LEMD1: variants seen among roughly 807,000 people sequenced by gnomAD.
LEMD1 encodes LEM domain containing 1.
A neutral mutation model predicts 17.4 loss-of-function variants in LEMD1; 18 were observed. The ratio of observed to expected loss-of-function variants is 1.04; its 90% CI spans 0.72 to 1.54. The LOEUF (loss-of-function observed/expected upper bound fraction) is 1.54. Ranked by LOEUF, LEMD1 falls within the 40% of genes most tolerant of loss-of-function variation. The probability of loss-of-function intolerance (pLI) is 0.00; values close to 1 mark genes in which losing one functional copy is unlikely to be tolerated. For missense variants in LEMD1, 195 were observed against 210.4 expected (o/e 0.93, Z 0.45); for synonymous variants, 88 against 77.8 (o/e 1.13, Z -0.69).
At chr1:205,397,130 A>C (rs1055105841) in intron 4 of LEMD1, among the ~76,000 whole-genome samples, 2 of 152,152 alleles carry the variant, frequency 1.3e-5, no homozygotes, top group African/African-American at 4.8e-5. Context: ...AGCAATCATC[A>C]GAAAGACGAG....
intron 4 of LEMD1, among the ~76,000 whole-genome samples, chr1:205,400,910 T>C (rs1480928747): frequency 6.9e-6 from 1 of 144,612 alleles, no homozygotes; most frequent in African/African-American, 2.5e-5. Context: ...TGTGTTCTCA[T>C]TGTTCAATTC....
At chr1:205,431,722 C>CTT (rs1016647346) in intron 1 of LEMD1, among the ~76,000 whole-genome samples, 2 of 151,744 alleles carry the variant, frequency 1.3e-5, no homozygotes, top group African/African-American at 4.8e-5. Context: ...TTCTTTCTTT[C>CTT]TTTCTTTTTT....
chr1:205,440,222 G>A (rs893223424), intron 1 of LEMD1, among the ~76,000 whole-genome samples: 3 of 152,268 alleles, frequency 2.0e-5, no homozygotes, highest in Middle Eastern at 3.4e-3. Context: ...TGTGATGCTG[G>A]CAAGGAGGCA....
At chr1:205,430,794 C>A (rs1339586456) in intron 1 of LEMD1, among the ~76,000 whole-genome samples, 1 of 152,248 alleles carries the variant, frequency 6.6e-6, no homozygotes. Context: ...GCCCTCCCTC[C>A]GCAGTGGGGC....
At chr1:205,419,712 C>T (rs142196278) in intron 2 of LEMD1, among the ~76,000 whole-genome samples, 141 of 152,256 alleles carry the variant, frequency 9.3e-4, no homozygotes, top group African/African-American at 3.2e-3. Context: ...GTGATCCACC[C>T]GCCTCGGCCT....
At chr1:205,427,841 C>T (rs1227061483) in intron 1 of LEMD1, among the ~76,000 whole-genome samples, 6 of 152,252 alleles carry the variant, frequency 3.9e-5, no homozygotes, top group Non-Finnish European at 8.8e-5. Context: ...GCAGGAGGAT[C>T]TCCAAATTGA....
rs548699919 is a variant in LEMD1, at chr1:205,430,066, T to C, written c.-38-9492A>G. On this transcript the variant is annotated intron_variant, in intron 1 of 3. Transcript: ENST00000367154. ...TTAATGGCAGCAGGGCCAGGCAGCGTCTGTCTCAAATCCCACTGCCCCTGA... is the reference window on the plus strand; with the variant it reads ...TTAATGGCAGCAGGGCCAGGCAGCGCCTGTCTCAAATCCCACTGCCCCTGA... 2.0e-5 allele frequency among the ~76,000 whole-genome samples: 3 copies of C among 152,326 alleles called. No homozygotes were observed. The South Asian group carries it at 6.2e-4, about 32-fold the overall frequency.
At chr1:205,424,573 C>CA (rs552552381), upstream of LEMD1, among the ~76,000 whole-genome samples, 20 of 152,180 alleles carry the variant, frequency 1.3e-4, no homozygotes, top group African/African-American at 4.1e-4. Flanking sequence ...CAAATAGCTA[C>CA]AAAAAATAAG....
chr1:205,404,829 G>A (rs1364019310), intron 4 of LEMD1, among the ~76,000 whole-genome samples: 3 of 152,284 alleles, frequency 2.0e-5, no homozygotes, highest in Admixed American at 6.5e-5. Flanking sequence ...TGATTTTGCA[G>A]TGGCTGGTAC....
intron 4 of LEMD1, among the ~76,000 whole-genome samples, chr1:205,411,187 AAAGG>A (rs201253062): frequency 0.074 from 10,733 of 144,636 alleles, 442 homozygotes; most frequent in East Asian, 0.11. Flanking sequence ...GGAAAGAAGG[AAAGG>A]AAGGAAGGAA....
intron 1 of LEMD1, among the ~76,000 whole-genome samples, chr1:205,421,511 A>G (rs1665957746): frequency 6.6e-6 from 1 of 152,240 alleles, no homozygotes; most frequent in Non-Finnish European, 1.5e-5. Flanking sequence ...TCAATGTCCA[A>G]TTAGGAAGAA....
intron 4 of LEMD1, among the ~76,000 whole-genome samples, chr1:205,395,755 A>AAT (rs1664564709): frequency 1.3e-5 from 2 of 152,196 alleles, no homozygotes; most frequent in Non-Finnish European, 1.5e-5. Context: ...AAAGATTGGT[A>AAT]ACCACAATAT....
chr1:205,398,040 G>C (rs1664671748), intron 4 of LEMD1, among the ~76,000 whole-genome samples: 1 of 152,152 alleles, frequency 6.6e-6, no homozygotes, highest in Non-Finnish European at 1.5e-5. Flanking sequence ...TCATCAATAA[G>C]ATCAAGATAT....
intron 4 of LEMD1, among the ~76,000 whole-genome samples, chr1:205,410,746 G>A (rs1027270419): frequency 6.6e-6 from 1 of 152,092 alleles, no homozygotes; most frequent in African/African-American, 2.4e-5. Flanking sequence ...CGTGCCTGTA[G>A]TCCCAGCTAC....
chr1:205,390,540 TAA>T (rs1254312284), intron 4 of LEMD1, among the ~76,000 whole-genome samples: 1 of 152,144 alleles, frequency 6.6e-6, no homozygotes, highest in Non-Finnish European at 1.5e-5. Flanking sequence ...ACTAGTATAA[TAA>T]AAAGTCTTAG....
chr1:205,440,347 T>C (rs1666271818), intron 1 of LEMD1, among the ~76,000 whole-genome samples: 1 of 152,212 alleles, frequency 6.6e-6, no homozygotes, highest in Non-Finnish European at 1.5e-5. Context: ...TCCTCCTCAC[T>C]GGGCTGGCCA....
chr1:205,405,126 GC>G (rs1402775787), intron 4 of LEMD1, among the ~76,000 whole-genome samples: 1 of 152,126 alleles, frequency 6.6e-6, no homozygotes, highest in Non-Finnish European at 1.5e-5. Context: ...CTCTCTGGCT[GC>G]CCTTAACATT....
At chr1:205,434,347 AAATATATATATATAT>A (rs932023593) in intron 1 of LEMD1, among the ~76,000 whole-genome samples, 11 of 131,778 alleles carry the variant, frequency 8.3e-5, no homozygotes, top group African/African-American at 3.0e-4. Flanking sequence ...AAGTAAAAAA[AAATATATATATATAT>A]TATATATATA....
At chr1:205,390,950 CAT>C (rs1375838644) in intron 4 of LEMD1, among the ~76,000 whole-genome samples, 1 of 152,178 alleles carries the variant, frequency 6.6e-6, no homozygotes, top group Non-Finnish European at 1.5e-5. Flanking sequence ...GCTGAAAACA[CAT>C]GTTTATGTTT....
Sources: allele counts gnomAD v4.1 joint callset (sites outside exome capture counted in the v4.1 genomes callset), GRCh38; gene constraint gnomAD v4.1.1; transcripts MANE v1.5; gene names NCBI Gene and HGNC (gene_info 2026-07-23, HGNC 2026-07-21).